NALCN: variants seen among roughly 807,000 people sequenced by gnomAD.
NALCN encodes sodium leak channel, non-selective.
A neutral mutation model predicts 225.3 loss-of-function variants in NALCN; 111 were observed. That is an observed-to-expected ratio of 0.49 (90% CI 0.42 to 0.58). The LOEUF (loss-of-function observed/expected upper bound fraction) is 0.58. Ranked by LOEUF, NALCN falls within the 20% of genes least tolerant of loss-of-function variation. The probability of loss-of-function intolerance (pLI) is 0.00; values close to 1 mark genes in which losing one functional copy is unlikely to be tolerated. For missense variants in NALCN, 1,378 were observed against 2,202.4 expected, an observed-to-expected ratio of 0.63 and a Z score of 7.49; for synonymous variants, 764 against 769.0, an observed-to-expected ratio of 0.99 and a Z score of 0.11.
chr13:101,415,900 G>C (rs2047931009), intron 1 of NALCN, among the ~76,000 whole-genome samples: 1 of 151,954 alleles, frequency 6.6e-6, no homozygotes, highest in African/African-American at 2.4e-5. Flanking sequence ...GTGATGCCCA[G>C]TGGCCTCGTC....
chr13:101,112,166 T>C (rs1479698738), intron 18 of NALCN, among the ~76,000 whole-genome samples: 1 of 151,180 alleles, frequency 6.6e-6, no homozygotes, highest in African/African-American at 2.4e-5. Flanking sequence ...AGATGGTAAA[T>C]GTTATGTGTT....
chr13:101,234,167 C>T (rs945574549), intron 12 of NALCN, among the ~76,000 whole-genome samples: 1 of 152,200 alleles, frequency 6.6e-6, no homozygotes, highest in South Asian at 2.1e-4. Context: ...AAGACATTTC[C>T]AGTACTTGTA....
At chr13:101,263,626 C>T (rs1448500995) in intron 10 of NALCN, among the ~76,000 whole-genome samples, 1 of 152,168 alleles carries the variant, frequency 6.6e-6, no homozygotes, top group East Asian at 1.9e-4. Flanking sequence ...CACAGCTTCA[C>T]TTTGGTGCTG....
intron 6 of NALCN, among the ~76,000 whole-genome samples, chr13:101,365,473 C>T (rs1475525029): frequency 6.6e-6 from 1 of 151,714 alleles, no homozygotes; most frequent in African/African-American, 2.4e-5. Context: ...TGCCAAGTAC[C>T]CTAAAGAATA....
intron 7 of NALCN, among the ~76,000 whole-genome samples, chr13:101,340,477 G>A (rs544050871): frequency 5.9e-5 from 9 of 152,166 alleles, no homozygotes; most frequent in Admixed American, 1.3e-4. Context: ...TATTTTGCCC[G>A]TGCATCCCAA....
chr13:101,252,663 T>A (rs967906477), intron 11 of NALCN, among the ~76,000 whole-genome samples: 2 of 152,128 alleles, frequency 1.3e-5, no homozygotes, highest in African/African-American at 4.8e-5. Context: ...GACTTCTTTC[T>A]CCCCTCTGGC....
chr13:101,288,835 C>T (rs2043438645), intron 9 of NALCN, among the ~76,000 whole-genome samples: 2 of 152,170 alleles, frequency 1.3e-5, no homozygotes, highest in Admixed American at 6.5e-5. Context: ...TTGTGTGGCT[C>T]TAAAATTTAG....
In NALCN at chr13:101,355,415, C is replaced by T. The variant is rs558112251; in HGVS notation, c.645-9995G>A. Among the ~76,000 whole-genome samples, 14 of 149,896 alleles carry T rather than the reference C, an allele frequency of 9.3e-5. No individual in the cohort carries two copies. The East Asian group carries it at 1.7e-3, about 19-fold the overall frequency. On this transcript the variant is annotated intron_variant, in intron 6 of 43. Coordinates refer to ENST00000251127, the MANE Select transcript of NALCN (RefSeq NM_052867.4). The stretch of plus-strand genomic sequence containing the variant: ...GTTGCAATCCTAGCCTCTGAGAAAA[C>T]GGACTTTAAACAAACAAAGATAAAA...
At chr13:101,277,103 G>A (rs553060316) in intron 10 of NALCN, among the ~76,000 whole-genome samples, 17 of 151,948 alleles carry the variant, frequency 1.1e-4, no homozygotes, top group Non-Finnish European at 2.2e-4. Context: ...ATTATTACTC[G>A]TAAAAAACTC....
chr13:101,182,646 C>T (rs1313709677), intron 14 of NALCN, among the ~76,000 whole-genome samples: 1 of 152,102 alleles, frequency 6.6e-6, no homozygotes, highest in Non-Finnish European at 1.5e-5. Context: ...TGAATGTGGA[C>T]TTTCAGATTG....
At chr13:101,229,215 G>T (rs1412057372) in intron 13 of NALCN, among the ~76,000 whole-genome samples, 178 bp downstream of exon 13, 2 of 151,984 alleles carry the variant, frequency 1.3e-5, no homozygotes, top group South Asian at 2.1e-4. Context: ...GCTGAAAATG[G>T]TCTCAAACAC....
At chr13:101,297,326 T>A (rs1299287422) in intron 7 of NALCN, among the ~76,000 whole-genome samples, 1 of 152,208 alleles carries the variant, frequency 6.6e-6, no homozygotes, top group Non-Finnish European at 1.5e-5. Context: ...ATTGGAGATG[T>A]AAGCCCGAGA....
intron 1 of NALCN, among the ~76,000 whole-genome samples, chr13:101,414,113 G>A (rs1199610936): frequency 6.7e-6 from 1 of 150,152 alleles, no homozygotes; most frequent in Non-Finnish European, 1.5e-5. Flanking sequence ...CTGGACTCTT[G>A]GGTTCAAGCA....
chr13:101,228,762 G>A (rs1044710754), intron 13 of NALCN, among the ~76,000 whole-genome samples: 1 of 152,090 alleles, frequency 6.6e-6, no homozygotes, highest in Non-Finnish European at 1.5e-5. Context: ...TCAACTTAGG[G>A]TAAAAATATA....
chr13:101,191,350 G>A (rs532053371), intron 14 of NALCN, among the ~76,000 whole-genome samples: 3 of 152,222 alleles, frequency 2.0e-5, no homozygotes, highest in Admixed American at 1.3e-4. Context: ...GACAGAAGTC[G>A]GTTCTTACTG....
intron 13 of NALCN, among the ~76,000 whole-genome samples, chr13:101,228,219 C>T (rs188604997): frequency 6.6e-6 from 1 of 152,206 alleles, no homozygotes; most frequent in African/African-American, 2.4e-5. Flanking sequence ...ACACTGGTAG[C>T]TAAAATAATA....
chr13:101,155,542 G>A (rs904504483), intron 15 of NALCN, among the ~76,000 whole-genome samples: 18 of 152,056 alleles, frequency 1.2e-4, no homozygotes, highest in African/African-American at 2.7e-4. Flanking sequence ...CGCCCTTCTC[G>A]TCATATCAGT....
chr13:101,102,293 A>G (rs1210338637), intron 26 of NALCN, among the ~76,000 whole-genome samples: 2 of 150,836 alleles, frequency 1.3e-5, no homozygotes, highest in African/African-American at 2.5e-5. Flanking sequence ...AAAAAAAAAG[A>G]AAAAAAAAGT....
At chr13:101,334,486 G>GAGAGAGGC (rs1307275315) in intron 7 of NALCN, among the ~76,000 whole-genome samples, 11 of 152,088 alleles carry the variant, frequency 7.2e-5, no homozygotes, top group Non-Finnish European at 1.0e-4. Context: ...GAAGAGAATG[G>GAGAGAGGC]ACTGCCAGTG....
Sources: allele counts gnomAD v4.1 joint callset (sites outside exome capture counted in the v4.1 genomes callset), GRCh38; gene constraint gnomAD v4.1.1; transcripts MANE v1.5; gene names NCBI Gene and HGNC (gene_info 2026-07-23, HGNC 2026-07-21).